Variants in SH2D4B observed in about 807,000 individuals in gnomAD.
The protein encoded by SH2D4B is SH2 domain containing 4B, also known as SH2 domain-containing protein 4B.
A neutral mutation model predicts 61.5 loss-of-function variants in SH2D4B; 45 were observed. That is an observed-to-expected ratio of 0.73 (90% CI 0.58 to 0.94). The LOEUF (loss-of-function observed/expected upper bound fraction) is 0.94, where lower values mean the gene tolerates loss of function less well. SH2D4B is among the 40% of genes least tolerant of loss of function. The pLI is 0.00. For synonymous variants in SH2D4B, 224 were observed against 220.4 expected (o/e 1.02, Z -0.14); for missense variants, 572 against 574.2 (o/e 1.00, Z 0.04).
intron 7 of SH2D4B, among the ~76,000 whole-genome samples, chr10:80,639,927 G>T (rs1840259738): frequency 6.6e-6 from 1 of 152,178 alleles, no homozygotes; most frequent in Non-Finnish European, 1.5e-5. Flanking sequence ...GGTCAGTACT[G>T]GTTGTTCCTT....
At chr10:80,540,424 C>T (rs892741382) in intron 1 of SH2D4B, among the ~76,000 whole-genome samples, 2 of 152,180 alleles carry the variant, frequency 1.3e-5, no homozygotes, top group Non-Finnish European at 1.5e-5. Context: ...AACTTGTGAG[C>T]TTTACGTTGA....
At chr10:80,550,224 C>G (rs1049273338) in intron 1 of SH2D4B, among the ~76,000 whole-genome samples, 15 of 152,150 alleles carry the variant, frequency 9.9e-5, no homozygotes, top group African/African-American at 3.6e-4. Flanking sequence ...TTAAGGGCCT[C>G]AGCTTATCTG....
intron 4 of SH2D4B, among the ~76,000 whole-genome samples, chr10:80,597,469 C>A (rs1391331118): frequency 6.6e-6 from 1 of 152,044 alleles, no homozygotes; most frequent in African/African-American, 2.4e-5. Flanking sequence ...AGTTTGAGAC[C>A]AGCCTGGCCA....
intron 1 of SH2D4B, among the ~76,000 whole-genome samples, chr10:80,551,395 A>T (rs1841760196): frequency 6.6e-6 from 1 of 152,188 alleles, no homozygotes; most frequent in Non-Finnish European, 1.5e-5. Flanking sequence ...AAGATGCCAA[A>T]CTTAAAAAAA....
At chr10:80,569,011 A>G (rs1440186781) in intron 1 of SH2D4B, among the ~76,000 whole-genome samples, 1 of 152,274 alleles carries the variant, frequency 6.6e-6, no homozygotes, top group South Asian at 2.1e-4. Context: ...CTGCTAAGGC[A>G]GTAACACAGT....
At chr10:80,615,926 C>T (rs1209658729) in intron 6 of SH2D4B, among the ~76,000 whole-genome samples, 1 of 152,128 alleles carries the variant, frequency 6.6e-6, no homozygotes, top group Non-Finnish European at 1.5e-5. Context: ...AACATGGTGT[C>T]ATGCAATAAA....
At chr10:80,606,250 A>C (rs1176806720) in intron 5 of SH2D4B, among the ~76,000 whole-genome samples, 1 of 149,638 alleles carries the variant, frequency 6.7e-6, no homozygotes, top group Non-Finnish European at 1.5e-5. Context: ...TGGAATACAC[A>C]TCTAGTATTT....
chr10:80,632,186 GCTCAGGTGATC>G (rs889476012), intron 6 of SH2D4B, among the ~76,000 whole-genome samples: 3 of 151,964 alleles, frequency 2.0e-5, no homozygotes, highest in Non-Finnish European at 4.4e-5. Flanking sequence ...GAACTACTGG[GCTCAGGTGATC>G]CTCCCACCTC....
chr10:80,644,223 G>C lies in SH2D4B; in HGVS notation c.*138G>C. 1 of 673,710 alleles carries C rather than the reference G, an allele frequency of 1.5e-6. No homozygotes were observed. Among genetic ancestry groups the C allele is most frequent in the Non-Finnish European group, 2.5e-6 (1 of 392,218 alleles). The allele number at this position is 673,710 out of a possible 1,614,324, so 41.7% of individuals were successfully genotyped here. A position where few individuals can be genotyped will look rare whatever the true frequency, so the allele number is the denominator to read the frequency against. On this transcript the variant is annotated 3_prime_UTR_variant, in exon 8 of 8. Transcript: ENST00000646907. ...AAAAGTAGATTAATATGCCTCAAGG[G>C]ATATGACATCTATGGCATAGGGCTA... is the stretch of plus-strand genomic sequence containing the variant.
chr10:80,636,880 T>A (rs1455199528), intron 7 of SH2D4B, among the ~76,000 whole-genome samples: 2 of 152,246 alleles, frequency 1.3e-5, no homozygotes, highest in East Asian at 3.8e-4. Flanking sequence ...ATGTCCTGAA[T>A]GGTATTGCCT....
At chr10:80,575,548 G>C (rs920984290) in intron 3 of SH2D4B, among the ~76,000 whole-genome samples, 1 of 152,084 alleles carries the variant, frequency 6.6e-6, no homozygotes, top group Non-Finnish European at 1.5e-5. Context: ...ATCACTTGAG[G>C]TCAGGAGTTC....
At chr10:80,543,517 C>T (rs928366978) in intron 1 of SH2D4B, among the ~76,000 whole-genome samples, 21 of 152,222 alleles carry the variant, frequency 1.4e-4, no homozygotes, top group African/African-American at 4.8e-4. Flanking sequence ...GGCTCCTGTG[C>T]CGCCCAAGCT....
chr10:80,603,441 T>C, intron 4 of SH2D4B, 138 bp from the exon 5 acceptor site: 1 of 730,750 alleles, frequency 1.4e-6, no homozygotes, highest in East Asian at 2.8e-5. Context: ...GACTATTAGG[T>C]TGGTGCAAAA....
chr10:80,607,482 A>C (rs996549243), intron 5 of SH2D4B: 1 of 152,332 alleles, frequency 6.6e-6, no homozygotes, highest in African/African-American at 2.4e-5. Flanking sequence ...GCTGGAGGCC[A>C]ACTCCACAGA....
At chr10:80,613,602 C>T (rs1177990776) in intron 6 of SH2D4B, among the ~76,000 whole-genome samples, 1 of 152,208 alleles carries the variant, frequency 6.6e-6, no homozygotes, top group African/African-American at 2.4e-5. Context: ...CAAGCGTGGC[C>T]TCACCTGGGC....
chr10:80,542,500 C>T (rs537877908), intron 1 of SH2D4B, among the ~76,000 whole-genome samples: 5 of 150,662 alleles, frequency 3.3e-5, no homozygotes, highest in Admixed American at 6.7e-5. Context: ...CGGGTTCAAG[C>T]GATTCTCCTG....
chr10:80,569,196 A>G (rs1346352067), intron 1 of SH2D4B, among the ~76,000 whole-genome samples: 1 of 152,312 alleles, frequency 6.6e-6, no homozygotes, highest in Middle Eastern at 3.4e-3. Flanking sequence ...TCAGGGCCCC[A>G]GGCTGCTTCA....
intron 2 of SH2D4B, 77 bp from the exon 3 acceptor site, chr10:80,571,353 GT>G: frequency 3.3e-6 from 5 of 1,503,418 alleles, no homozygotes; most frequent in Non-Finnish European, 3.6e-6. Flanking sequence ...ATTGCTCATT[GT>G]TTTTATTTCA....
chr10:80,573,547 A>G (rs193013245), intron 3 of SH2D4B, among the ~76,000 whole-genome samples: 1 of 152,240 alleles, frequency 6.6e-6, no homozygotes. Flanking sequence ...TTTCTTCCAA[A>G]TGGCAGCCAG....
Sources: allele counts gnomAD v4.1 joint callset (sites outside exome capture counted in the v4.1 genomes callset), GRCh38; gene constraint gnomAD v4.1.1; transcripts MANE v1.5; gene names NCBI Gene and HGNC (gene_info 2026-07-23, HGNC 2026-07-21).